Variants in IFI27 observed in about 807,000 individuals in gnomAD.
The protein encoded by IFI27 is interferon alpha inducible protein 27, also known as interferon alpha-inducible protein 27, mitochondrial.
Under a neutral mutation model 8.9 loss-of-function variants are expected in IFI27, and 3 were observed. The observed-to-expected ratio is 0.34, with a 90% CI of 0.15 to 0.87. The LOEUF is 0.87. Among genes scored for constraint, IFI27 ranks in the 40% least tolerant of loss-of-function variants. IFI27 has a pLI of 0.51. For missense variants in IFI27, 152 were observed against 157.7 expected (o/e 0.96, Z 0.19); for synonymous variants, 66 against 67.3 (o/e 0.98, Z 0.09).
chr14:94,116,054 C>G lies in IFI27; in HGVS notation c.283+112C>G. On this transcript the variant is annotated intron_variant, in intron 4 of 4. Transcript: ENST00000621160. The surrounding 1 kb of genome is among the most constrained non-coding windows in gnomAD (Gnocchi z 4.3). ...CCTCAATCTCCCTGTTCCTCTGTCTCTCTCTACACATTCTCTCAGGGTTTC... is the reference window on the plus strand; with the variant it reads ...CCTCAATCTCCCTGTTCCTCTGTCTGTCTCTACACATTCTCTCAGGGTTTC... 1.8e-6 allele frequency: 2 copies of G among 1,105,790 alleles called. No individual in the cohort carries two copies. Among genetic ancestry groups the G allele is most frequent in the South Asian group, 1.3e-5 (1 of 75,236 alleles). The allele number at this position is 1,105,790 out of a possible 1,614,324, so 68.5% of individuals were successfully genotyped here.
chr14:94,115,875 CGCG>C (rs768603087), exon 4 of IFI27: 2 of 1,600,392 alleles, frequency 1.2e-6, no homozygotes, highest in Admixed American at 1.7e-5. Context: ...AGATGATGTC[CGCG>C]GCGGCCATTG....
chr14:94,116,618 A>T lies in IFI27; in HGVS notation c.*91A>T. 1 of 891,706 alleles carries T rather than the reference A, an allele frequency of 1.1e-6. No individual in the cohort carries two copies. The highest frequency in any genetic ancestry group is 1.8e-6 in the Non-Finnish European group (1 of 545,812). 55.2% of individuals were successfully genotyped at this position (891,706 alleles called of 1,614,324 possible). On this transcript the variant is annotated 3_prime_UTR_variant, in exon 5 of 5. Transcript: ENST00000621160. The surrounding 1 kb of genome is among the most constrained non-coding windows in gnomAD (Gnocchi z 4.3). ...CCCAGCGAGGAGCCAACTATCCCAA[A>T]TATACCTGGGGTGAAATATACCAAA... is the stretch of plus-strand genomic sequence containing the variant.
At position 94,116,298 on chromosome 14, in the gene IFI27, C is replaced by G. The variant is rs1256082521; in HGVS notation, c.284-144C>G. The G allele has an allele frequency of 7.5e-6, 5 of 669,966 alleles. No homozygotes were observed. Among genetic ancestry groups the G allele is most frequent in the Admixed American group, 6.8e-5 (3 of 43,884 alleles). 41.5% of individuals were successfully genotyped at this position (669,966 alleles called of 1,614,324 possible). On this transcript the variant is annotated intron_variant, in intron 4 of 4. Coordinates refer to ENST00000621160, the Ensembl canonical transcript of IFI27. The surrounding 1 kb of genome is among the most constrained non-coding windows in gnomAD (Gnocchi z 4.3). ...TCCCCAAACAAAGACCCCGAGGGTA[C>G]TGGGAAACAGAGAGGGGAACTGGGT...
chr14:94,112,042 CTAT>C (rs1887213797), intron 2 of IFI27: 1 of 561,320 alleles, frequency 1.8e-6, no homozygotes, highest in Admixed American at 3.1e-5. Context: ...CGGAAAGGGT[CTAT>C]CTACCACTGA....
Position 94,111,856 on chromosome 14 carries a change from G to A in IFI27, c.91+83G>A. ...GGGTCCTGTCCCGGGACCCGTGGGA[G>A]AGAAAATGGGGGACACCCGCAGCCT... On this transcript the variant is annotated intron_variant, in intron 2 of 4. Coordinates refer to ENST00000621160, the Ensembl canonical transcript of IFI27. This position sits in a 1 kb window ranked among gnomAD's most constrained non-coding sequence, Gnocchi z 4.3. 9.6e-7 allele frequency: 1 copy of A among 1,043,354 alleles called. No homozygotes were observed. Among genetic ancestry groups the A allele is most frequent in the Non-Finnish European group, 1.5e-6 (1 of 663,510 alleles). 64.6% of individuals were successfully genotyped at this position (1,043,354 alleles called of 1,614,324 possible). A position where few individuals can be genotyped will look rare whatever the true frequency, so the allele number is the denominator to read the frequency against.
At chr14:94,114,984 TC>T in intron 3 of IFI27, 104 bp downstream of exon 3, 1 of 1,065,734 alleles carries the variant, frequency 9.4e-7, no homozygotes, top group Non-Finnish European at 1.5e-6. Flanking sequence ...ACATGGGTGG[TC>T]AGGGGAGGAG....
At chr14:94,112,085 C>G (rs992430073) in intron 2 of IFI27, 27 of 466,014 alleles carry the variant, frequency 5.8e-5, no homozygotes, top group South Asian at 5.6e-4. Flanking sequence ...TCCCTTCCCC[C>G]AGATTCACCA....
chr14:94,114,967 T>C, intron 3 of IFI27, 87 bp downstream of exon 3: 1 of 1,237,532 alleles, frequency 8.1e-7, no homozygotes, highest in Non-Finnish European at 1.2e-6. Flanking sequence ...ATGCCAATGT[T>C]TCCCTCACAT....
In IFI27 at chr14:94,111,801, T is replaced by G; in HGVS notation, c.91+28T>G. ...GAGTGTTCCTGGGAGGGGCTGGTGC[T>G]GGGGGCGAGGAGGCGGCTGGGAAGG... On this transcript the variant is annotated intron_variant, in intron 2 of 4. Transcript: ENST00000621160. This position sits in a 1 kb window ranked among gnomAD's most constrained non-coding sequence, Gnocchi z 4.3. 1.3e-6 allele frequency: 2 copies of G among 1,565,232 alleles called. No individual in the cohort carries two copies. The highest frequency in any genetic ancestry group is 1.8e-6 in the Non-Finnish European group (2 of 1,135,798).
At chr14:94,115,966 T>A (rs956524505) in intron 4 of IFI27, 24 bp downstream of exon 4, 2 of 1,555,676 alleles carry the variant, frequency 1.3e-6, no homozygotes, top group Non-Finnish European at 1.7e-6. Flanking sequence ...CGGGGCTTGC[T>A]GGGGAGGGCG....
chr14:94,114,270 A>ATTATT (rs1887303857), intron 2 of IFI27: 1 of 154,288 alleles, frequency 6.5e-6, no homozygotes, highest in East Asian at 1.9e-4. Context: ...ATGAGGACTT[A>ATTATT]TTAGTGTCTG....
Position 94,116,180 on chromosome 14 carries a change from T to G in IFI27, c.283+238T>G, listed in dbSNP as rs113491646. ...GATTTGCTGGGTTACCTGGGGCGTC[T>G]CCTCCCCTCTGGGGTGCAGCCTCCT... On this transcript the variant is annotated intron_variant, in intron 4 of 4. Transcript: ENST00000621160. This position sits in a 1 kb window ranked among gnomAD's most constrained non-coding sequence, Gnocchi z 4.3. 43 of 707,176 alleles carry G rather than the reference T, an allele frequency of 6.1e-5. No homozygotes were observed. In the African/African-American group the frequency reaches 7.3e-4, roughly 12 times the overall value. 43.8% of individuals were successfully genotyped at this position (707,176 alleles called of 1,614,324 possible).
chr14:94,109,401 C>A (rs184182671), upstream of IFI27, among the ~76,000 whole-genome samples: 1,746 of 86,676 alleles, frequency 0.02, 40 homozygotes, highest in African/African-American at 0.083. Flanking sequence ...AGGGCAAGGG[C>A]AAGGGAAAGG....
chr14:94,115,804 A>G, exon 4 of IFI27: 1 of 1,607,352 alleles, frequency 6.2e-7, no homozygotes. Context: ...GGCTGTGCCC[A>G]TGGTGCTCAG....
upstream of IFI27, among the ~76,000 whole-genome samples, chr14:94,106,615 G>T (rs560675772): frequency 1.3e-5 from 2 of 152,194 alleles, no homozygotes; most frequent in South Asian, 4.1e-4. Flanking sequence ...TATCATATTA[G>T]TTCATCTTGC....
At position 94,114,443 on chromosome 14, in the gene IFI27, A is replaced by G. The variant is rs564103764; in HGVS notation, c.92-408A>G. The G allele has an allele frequency of 3.1e-5, 6 of 191,674 alleles. No homozygotes were observed. In the South Asian group the frequency reaches 8.1e-4, roughly 26 times the overall value. The allele number at this position is 191,674 out of a possible 1,614,324, so 11.9% of individuals were successfully genotyped here. ...CACCAAGCCCTAGATTTCATTGCCAAGTATCCTGTATTTACTGGGAATGGA... is the reference window on the plus strand; with the variant it reads ...CACCAAGCCCTAGATTTCATTGCCAGGTATCCTGTATTTACTGGGAATGGA... On this transcript the variant is annotated intron_variant, in intron 2 of 4. Transcript: ENST00000621160.
chr14:94,111,785 T>C lies in IFI27; in HGVS notation c.91+12T>C, dbSNP rs201077623. ...AGTTTTGCCCCTGGGTGAGTGTTCCTGGGAGGGGCTGGTGCTGGGGGCGAG... is the reference window on the plus strand; with the variant it reads ...AGTTTTGCCCCTGGGTGAGTGTTCCCGGGAGGGGCTGGTGCTGGGGGCGAG... On this transcript the variant is annotated intron_variant, in intron 2 of 4. Coordinates refer to ENST00000621160, the Ensembl canonical transcript of IFI27. The surrounding 1 kb of genome is among the most constrained non-coding windows in gnomAD (Gnocchi z 4.3). 70 of 1,601,590 alleles carry C rather than the reference T, an allele frequency of 4.4e-5. No individual in the cohort carries two copies. In the African/African-American group the frequency reaches 7.9e-4, roughly 18 times the overall value.
chr14:94,106,966 G>A (rs995286850), upstream of IFI27, among the ~76,000 whole-genome samples: 4 of 152,158 alleles, frequency 2.6e-5, no homozygotes, highest in African/African-American at 9.6e-5. Context: ...TTACATTTTA[G>A]CACGAGATTT....
chr14:94,115,612 G>A lies in IFI27; in HGVS notation c.122-169G>A, dbSNP rs147172330. 304 of 673,202 alleles carry A rather than the reference G, an allele frequency of 4.5e-4. 2 individuals carry two copies. The highest frequency in any genetic ancestry group is 2.7e-3 in the African/African-American group (146 of 55,020). 41.7% of individuals were successfully genotyped at this position (673,202 alleles called of 1,614,324 possible). Reference sequence around the variant, plus strand: ...ACTAGCTTTTCCCTCTACTTTCCCCGCCTGGCTGTGCTCCCCTTGATTCGT... The same window carrying A: ...ACTAGCTTTTCCCTCTACTTTCCCCACCTGGCTGTGCTCCCCTTGATTCGT... On this transcript the variant is annotated intron_variant, in intron 3 of 4. Coordinates refer to ENST00000621160, the Ensembl canonical transcript of IFI27.
Sources: gnomAD v4.1 joint callset for allele counts (sites outside exome capture counted in the v4.1 genomes callset) on GRCh38, gnomAD v4.1.1 for gene constraint, Gnocchi (gnomAD v3.1) non-coding constraint, MANE v1.5 for transcripts, NCBI Gene and HGNC (gene_info 2026-07-23, HGNC 2026-07-21) for gene names.